The following GNB1 variants were observed in gnomAD, a reference collection of about 807,000 sequenced individuals.
GNB1 encodes the protein G protein subunit beta 1, also known as guanine nucleotide-binding protein G(I)/G(S)/G(T) subunit beta-1.
Under a neutral mutation model 42.9 loss-of-function variants are expected in GNB1, and 2 were observed. The ratio of observed to expected loss-of-function variants is 0.05; its 90% CI spans 0.02 to 0.15. GNB1 has a LOEUF of 0.15. Ranked by LOEUF, GNB1 falls within the 10% of genes least tolerant of loss-of-function variation. GNB1 has a pLI of 1.00. For missense variants in GNB1, 193 were observed against 462.2 expected (o/e 0.42, Z 5.34); for synonymous variants, 183 against 174.7 (o/e 1.05, Z -0.38).
At chr1:1,792,776 T>C (rs996134213) in intron 8 of GNB1, among the ~76,000 whole-genome samples, 1 of 151,526 alleles carries the variant, frequency 6.6e-6, no homozygotes, top group Admixed American at 6.6e-5. Context: ...TTATTAGAAG[T>C]ATAATGAGGC....
chr1:1,804,262 G>A (rs570110304), intron 7 of GNB1, 157 bp downstream of exon 7: 104 of 540,802 alleles, frequency 1.9e-4, no homozygotes, highest in African/African-American at 3.8e-4. Flanking sequence ...TCACGCCACC[G>A]CACTCCAGCC....
At chr1:1,793,156 C>A in intron 8 of GNB1, 89 bp downstream of exon 8, 2 of 749,148 alleles carry the variant, frequency 2.7e-6, no homozygotes, top group South Asian at 1.7e-5. Flanking sequence ...AATATTATGT[C>A]AAGAACCTTA....
chr1:1,805,574 CTT>C (rs917163249), intron 6 of GNB1, among the ~76,000 whole-genome samples: 9 of 151,910 alleles, frequency 5.9e-5, no homozygotes, highest in African/African-American at 2.2e-4. Flanking sequence ...GAGTTTCGCT[CTT>C]GTTGCCCAGG....
chr1:1,804,713 A>C (rs1646672931), intron 6 of GNB1, 132 bp from the exon 7 acceptor site: 2 of 658,598 alleles, frequency 3.0e-6, no homozygotes, highest in Non-Finnish European at 5.2e-6. Flanking sequence ...TTATCTAGAG[A>C]GCGATTCCCA....
At chr1:1,874,398 C>T (rs1366621229) in intron 1 of GNB1, among the ~76,000 whole-genome samples, 1 of 151,674 alleles carries the variant, frequency 6.6e-6, no homozygotes, top group African/African-American at 2.4e-5. Context: ...TGCCTAAGCT[C>T]AGGAGTTGGA....
At chr1:1,825,968 G>T (rs1276188028) in intron 2 of GNB1, among the ~76,000 whole-genome samples, 1 of 152,114 alleles carries the variant, frequency 6.6e-6, no homozygotes, top group Non-Finnish European at 1.5e-5. Context: ...GTAGGGCCAG[G>T]TAAATAAAAT....
chr1:1,804,325 A>ATTAG (rs1646667446), intron 7 of GNB1, 94 bp downstream of exon 7: 3 of 815,218 alleles, frequency 3.7e-6, no homozygotes, highest in Non-Finnish European at 5.9e-6. Context: ...TAATTAATTA[A>ATTAG]AAAATGATTG....
At chr1:1,885,669 G>T (rs1397268496) in intron 1 of GNB1, among the ~76,000 whole-genome samples, 3 of 142,020 alleles carry the variant, frequency 2.1e-5, no homozygotes, top group Non-Finnish European at 1.5e-5. Flanking sequence ...CCATTCTCCT[G>T]CCTCAGCCTC....
At chr1:1,861,532 A>C (rs1026375568) in intron 1 of GNB1, among the ~76,000 whole-genome samples, 1 of 151,900 alleles carries the variant, frequency 6.6e-6, no homozygotes, top group Non-Finnish European at 1.5e-5. Flanking sequence ...CCTCAAGGGA[A>C]GCAGGATTGG....
chr1:1,808,310 A>G (rs1439561509), intron 5 of GNB1, among the ~76,000 whole-genome samples: 1 of 151,916 alleles, frequency 6.6e-6, no homozygotes, highest in African/African-American at 2.4e-5. Context: ...CCGACCATGA[A>G]TTTTTTCATA....
intron 7 of GNB1, among the ~76,000 whole-genome samples, chr1:1,800,216 T>G (rs2100640055): frequency 6.6e-6 from 1 of 152,322 alleles, no homozygotes; most frequent in Admixed American, 6.5e-5. Flanking sequence ...CTCAGGAAGA[T>G]GAGATGCTGG....
chr1:1,863,058 T>G (rs1648720648), intron 1 of GNB1, among the ~76,000 whole-genome samples: 2 of 152,218 alleles, frequency 1.3e-5, no homozygotes, highest in South Asian at 2.1e-4. Context: ...CTCAGCACTG[T>G]GGACACTGGG....
chr1:1,837,256 T>C (rs1040156611), intron 2 of GNB1, among the ~76,000 whole-genome samples: 257 of 99,280 alleles, frequency 2.6e-3, no homozygotes, highest in African/African-American at 8.2e-3. Context: ...ATTGAGTTAA[T>C]TTTTTTTTTT....
At chr1:1,885,868 TA>T (rs79504690) in intron 1 of GNB1, among the ~76,000 whole-genome samples, 485 of 130,030 alleles carry the variant, frequency 3.7e-3, no homozygotes, top group Non-Finnish European at 3.9e-3. Context: ...CACTTAATCT[TA>T]AAAAAAAAAA....
At chr1:1,814,287 G>A (rs16825336) in intron 5 of GNB1, among the ~76,000 whole-genome samples, 16,160 of 152,154 alleles carry the variant, frequency 0.11, 1,480 homozygotes, top group East Asian at 0.29. Flanking sequence ...CGCTAACAAC[G>A]GAATACAAAG....
intron 1 of GNB1, among the ~76,000 whole-genome samples, chr1:1,857,361 ATCTC>A (rs758878942): frequency 9.9e-5 from 15 of 152,044 alleles, no homozygotes; most frequent in Non-Finnish European, 1.9e-4. Flanking sequence ...TCCTCTGTGA[ATCTC>A]TCTATTAACC....
chr1:1,845,410 A>G (rs1647584912), intron 1 of GNB1, among the ~76,000 whole-genome samples: 1 of 152,026 alleles, frequency 6.6e-6, no homozygotes, highest in South Asian at 2.1e-4. Context: ...CGTCTCTACT[A>G]AAAATACAAA....
chr1:1,837,698 A>T (rs1647171627), intron 2 of GNB1, among the ~76,000 whole-genome samples: 1 of 151,294 alleles, frequency 6.6e-6, no homozygotes, highest in Non-Finnish European at 1.5e-5. Flanking sequence ...TAGCTGGACT[A>T]CAGGGGCGTG....
chr1:1,888,264 G>A (rs1650263691), intron 1 of GNB1, among the ~76,000 whole-genome samples: 1 of 151,408 alleles, frequency 6.6e-6, no homozygotes, highest in Non-Finnish European at 1.5e-5. Flanking sequence ...GGTTCCCGCA[G>A]AAGATAAAAT....
Sources: gnomAD v4.1 joint callset for allele counts (sites outside exome capture counted in the v4.1 genomes callset) on GRCh38, gnomAD v4.1.1 for gene constraint, MANE v1.5 for transcripts, NCBI Gene and HGNC (gene_info 2026-07-23, HGNC 2026-07-21) for gene names.